Variants in NCOR2 observed in about 807,000 individuals in gnomAD.
The protein encoded by NCOR2 is CTG repeat protein 26.
In NCOR2, 81 loss-of-function variants were observed where a neutral mutation model predicts 262.9. The observed-to-expected ratio is 0.31, with a 90% CI of 0.26 to 0.37. The LOEUF is 0.37. Ranked by LOEUF, NCOR2 falls within the 10% of genes least tolerant of loss-of-function variation. The probability of loss-of-function intolerance (pLI) is 1.00; values close to 1 mark genes in which losing one functional copy is unlikely to be tolerated. For missense variants in NCOR2, 3,385 were observed against 3,621.4 expected (o/e 0.93, Z 1.68); for synonymous variants, 1,659 against 1,559.3 (o/e 1.06, Z -1.51).
At chr12:124,359,800 C>A (rs947862006) in intron 22 of NCOR2, among the ~76,000 whole-genome samples, 11 of 152,266 alleles carry the variant, frequency 7.2e-5, no homozygotes, top group African/African-American at 2.7e-4. Flanking sequence ...CCCGAGGGAC[C>A]TGCTTGGCTG....
Position 124,457,352 on chromosome 12 carries a change from AATACCCCCAC to A in NCOR2, c.706-200_706-191del, listed in dbSNP as rs2045932297. ...CTGGAAAAAAACACAGAGGAGCCTC[AATACCCCCAC>A]AGCGGCCCCAGCAAGCCAGCCAAGT... On this transcript the variant is annotated intron_variant, in intron 5 of 46. Transcript: ENST00000405201. This position sits in a 1 kb window ranked among gnomAD's most constrained non-coding sequence, Gnocchi z 4.0. 4.6e-5 allele frequency among the ~76,000 whole-genome samples: 7 copies of A among 152,032 alleles called. No homozygotes were observed. Among genetic ancestry groups the A allele is most frequent in the Admixed American group, 1.3e-4 (2 of 15,284 alleles).
At chr12:124,420,504 C>G (rs2043145810) in intron 12 of NCOR2, among the ~76,000 whole-genome samples, 1 of 152,168 alleles carries the variant, frequency 6.6e-6, no homozygotes, top group Admixed American at 6.5e-5. Flanking sequence ...GCCTTCTCTT[C>G]CCTGATATTT....
At chr12:124,327,413 C>G (rs767476013) in exon 45 of NCOR2, 4 of 1,608,030 alleles carry the variant, frequency 2.5e-6, no homozygotes, top group African/African-American at 1.3e-5. Flanking sequence ...GCAGACCTGG[C>G]GAGGTGAGTG....
rs372222396 is a variant in NCOR2 at position 124,400,455 on chromosome 12, G to A, written c.1813+46C>T. ...AACTTTCATATGAGCGCAACCCGCCGTGTCTCCAGCCCCTTCCCCACCCGC... is the reference window on the plus strand; with the variant it reads ...AACTTTCATATGAGCGCAACCCGCCATGTCTCCAGCCCCTTCCCCACCCGC... On this transcript the variant is annotated intron_variant, in intron 15 of 46. Transcript: ENST00000405201. 4.1e-5 allele frequency: 65 copies of A among 1,590,982 alleles called. 1 individual carries two copies. The highest frequency in any genetic ancestry group is 2.0e-4 in the African/African-American group (15 of 74,384).
In NCOR2 at chr12:124,547,041, G is replaced by A. The variant is rs71458854; in HGVS notation, c.-164-11430C>T. Among the ~76,000 whole-genome samples the A allele has an allele frequency of 5.3e-3, 803 of 152,198 alleles. 5 individuals are homozygous for A. Among genetic ancestry groups the A allele is most frequent in the Non-Finnish European group, 6.7e-3 (456 of 68,012 alleles). On this transcript the variant is annotated intron_variant, in intron 1 of 32. Coordinates refer to the NCOR2 transcript ENST00000458234. ...GTCTCGCTCTGTCGCCCAGGCTGGA[G>A]TGCAATGGTGCAATCTCGGCTCACT...
At chr12:124,508,456 G>A (rs1396025692) in intron 1 of NCOR2, among the ~76,000 whole-genome samples, 1 of 152,194 alleles carries the variant, frequency 6.6e-6, no homozygotes, top group East Asian at 1.9e-4. Flanking sequence ...CCGAAGAAGG[G>A]CAGGGACAAA....
chr12:124,527,226 C>G (rs1247731701), intron 1 of NCOR2, among the ~76,000 whole-genome samples: 3 of 152,146 alleles, frequency 2.0e-5, no homozygotes, highest in African/African-American at 7.2e-5. Context: ...GCGGCCACAG[C>G]ACACACAGCA....
intron 13 of NCOR2, among the ~76,000 whole-genome samples, chr12:124,407,659 C>T (rs1050241276): frequency 6.6e-6 from 1 of 152,236 alleles, no homozygotes; most frequent in Non-Finnish European, 1.5e-5. Context: ...CGACCACCCA[C>T]GTAGGGGTTG....
Position 124,517,319 on chromosome 12 carries a change from C to T in NCOR2, c.-118+18246G>A, listed in dbSNP as rs7971663. The stretch of plus-strand genomic sequence containing the variant: ...CATTCCCGCCACCTCCCTATGGCCG[C>T]GGCGCACCCAGACCTCAGGACAAAT... On this transcript the variant is annotated intron_variant, in intron 1 of 46. Coordinates refer to the NCOR2 transcript ENST00000404621. This position sits in a 1 kb window ranked among gnomAD's most constrained non-coding sequence, Gnocchi z 7.6. Among the ~76,000 whole-genome samples, 3,085 of 152,282 alleles carry T rather than the reference C, an allele frequency of 0.02. 54 individuals are homozygous for T. Among genetic ancestry groups the T allele is most frequent in the Middle Eastern group, 0.037 (11 of 294 alleles).
intron 13 of NCOR2, among the ~76,000 whole-genome samples, chr12:124,409,228 G>A (rs1011018422): frequency 3.3e-5 from 5 of 152,232 alleles, no homozygotes; most frequent in African/African-American, 7.2e-5. Context: ...CAAATCCACA[G>A]TCCCTGCTCC....
At chr12:124,359,246 T>C (rs2038297128) in intron 22 of NCOR2, among the ~76,000 whole-genome samples, 1 of 152,208 alleles carries the variant, frequency 6.6e-6, no homozygotes, top group Non-Finnish European at 1.5e-5. Flanking sequence ...AACTTGGGAA[T>C]GACGGAGCCC....
rs780200698 is a variant in NCOR2 at position 124,354,170 on chromosome 12, C to T, written c.3616G>A (p.Gly1206Arg). 1.2e-5 allele frequency: 20 copies of T among 1,606,486 alleles called. No homozygotes were observed. The highest frequency in any genetic ancestry group is 1.7e-5 in the Admixed American group (1 of 59,610). The change falls in exon 27 of 47, where the codon GGA becomes AGA. Residue 1206 changes from glycine (G) to arginine (R), a missense_variant. Transcript: ENST00000405201. ...CTGGGAATGCCTTTGGTGATGCTTC[C>T]GCCCGGAACTGAGCCCAGAGCTGTC...
chr12:124,353,015 C>T (rs541557706), intron 27 of NCOR2, among the ~76,000 whole-genome samples: 1 of 152,344 alleles, frequency 6.6e-6, no homozygotes, highest in East Asian at 1.9e-4. Flanking sequence ...CTGACTTCCT[C>T]ACTATCTGGT....
exon 47 of NCOR2, chr12:124,325,386 C>A (rs1044955275): frequency 5.1e-6 from 3 of 589,828 alleles, no homozygotes; most frequent in South Asian, 5.6e-5. Context: ...CGCCCCCCCC[C>A]CCGCCCTGTT....
chr12:124,335,389 C>T, intron 39 of NCOR2, 94 bp downstream of exon 41: 1 of 1,515,122 alleles, frequency 6.6e-7, no homozygotes, highest in Non-Finnish European at 8.8e-7. Context: ...ATTCCTTGGC[C>T]TTTAGGCACC....
rs1283782127 is a variant in NCOR2 at position 124,399,133 on chromosome 12, CG to C, written c.1814-953del. 2.0e-3 allele frequency among the ~76,000 whole-genome samples: 298 copies of C among 152,134 alleles called. 1 individual carries two copies. Among genetic ancestry groups the C allele is most frequent in the Admixed American group, 3.9e-3 (59 of 15,290 alleles). On this transcript the variant is annotated intron_variant, in intron 15 of 46. Coordinates refer to ENST00000405201, the Ensembl canonical transcript of NCOR2. The stretch of plus-strand genomic sequence containing the variant: ...GAAGGTTCCAGCAGAAGAGGGGAGA[CG>C]GCCCCCACCCCCATGGGCAGCCCCA...
Position 124,531,772 on chromosome 12 carries a change from C to T in NCOR2, c.-118+3793G>A, listed in dbSNP as rs919476198. Among the ~76,000 whole-genome samples the T allele has an allele frequency of 3.9e-5, 6 of 151,932 alleles. No individual in the cohort carries two copies. The highest frequency in any genetic ancestry group is 1.5e-4 in the African/African-American group (6 of 41,360). ...CCGGGCCAGGGCCCTAAAACCTCCC[C>T]CTACACACCTTCGGTGTCCCCGATC... On this transcript the variant is annotated intron_variant, in intron 1 of 46. Coordinates refer to the NCOR2 transcript ENST00000404621. The surrounding 1 kb of genome is among the most constrained non-coding windows in gnomAD (Gnocchi z 4.5).
rs773673461 is a variant in NCOR2, at chr12:124,363,127, C to T, written c.2928+552G>A. On this transcript the variant is annotated intron_variant, in intron 21 of 46. Coordinates refer to ENST00000405201, the Ensembl canonical transcript of NCOR2. Reference sequence around the variant, plus strand: ...ATTCTGTGGGCCTCGGGGACTGGGCCGTGTAGCCTGACACGCCCTGAGCCC... The same window carrying T: ...ATTCTGTGGGCCTCGGGGACTGGGCTGTGTAGCCTGACACGCCCTGAGCCC... Among the ~76,000 whole-genome samples, 4 of 152,374 alleles carry T rather than the reference C, an allele frequency of 2.6e-5. No homozygotes were observed. In the East Asian group the frequency reaches 7.7e-4, roughly 29 times the overall value.
At chr12:124,361,505 C>A (rs537397608) in intron 22 of NCOR2, among the ~76,000 whole-genome samples, 181 of 152,358 alleles carry the variant, frequency 1.2e-3, no homozygotes, top group African/African-American at 4.3e-3. Context: ...TTGAGCTTCA[C>A]GTGATGACAG....
Sources: gnomAD v4.1 joint callset for allele counts (sites outside exome capture counted in the v4.1 genomes callset) on GRCh38, gnomAD v4.1.1 for gene constraint, Gnocchi (gnomAD v3.1) non-coding constraint, MANE v1.5 for transcripts, NCBI Gene and HGNC (gene_info 2026-07-23, HGNC 2026-07-21) for gene names.